Variants in RIMS3 observed in about 807,000 individuals in gnomAD.
RIMS3 encodes the protein regulating synaptic membrane exocytosis protein 3.
RIMS3 carries 15 observed loss-of-function variants against 29.2 expected under a neutral mutation model. The ratio of observed to expected loss-of-function variants is 0.51; its 90% CI spans 0.34 to 0.79. RIMS3 has a LOEUF of 0.79. Ranked by LOEUF, RIMS3 falls within the 30% of genes least tolerant of loss-of-function variation. The pLI, the probability that RIMS3 is intolerant of heterozygous loss-of-function variation, is 0.01. For synonymous variants in RIMS3, 161 were observed against 170.1 expected, an observed-to-expected ratio of 0.95 and a Z score of 0.41; for missense variants, 342 against 421.4, an observed-to-expected ratio of 0.81 and a Z score of 1.65.
chr1:40,671,309 G>C, the RIMS3 span, among the ~76,000 whole-genome samples: 1 of 152,218 alleles, frequency 6.6e-6, no homozygotes, highest in Non-Finnish European at 1.5e-5. Flanking sequence ...GATGAGGGCT[G>C]CATAGGCAGC....
Position 40,654,448 on chromosome 1 carries a change from A to G in RIMS3, c.-206-6606T>C, listed in dbSNP as rs1400145051. On this transcript the variant is annotated intron_variant, in intron 1 of 7. Transcript: ENST00000372684. The surrounding 1 kb of genome is among the most constrained non-coding windows in gnomAD (Gnocchi z 5.3). ...CTCCGGTTGGCCACTCCGACGCGCC[A>G]CAGAGCGAGATGCACGCTGTACAAA... 6.6e-6 allele frequency among the ~76,000 whole-genome samples: 1 copy of G among 152,184 alleles called. No homozygotes were observed. The highest frequency in any genetic ancestry group is 2.4e-5 in the African/African-American group (1 of 41,434).
chr1:40,687,268 C>T, the RIMS3 span, among the ~76,000 whole-genome samples: 32 of 152,166 alleles, frequency 2.1e-4, no homozygotes, highest in South Asian at 2.3e-3. Context: ...GGATGCACAA[C>T]GTGAACAGGC....
chr1:40,663,901 G>A (rs654923), intron 1 of RIMS3, among the ~76,000 whole-genome samples: 19,204 of 152,154 alleles, frequency 0.13, 1,325 homozygotes, highest in African/African-American at 0.15. Context: ...ACTGTGCTGC[G>A]CAGCTCAAAT....
the RIMS3 span, among the ~76,000 whole-genome samples, chr1:40,686,602 A>G: frequency 6.6e-6 from 1 of 152,160 alleles, no homozygotes; most frequent in African/African-American, 2.4e-5. Flanking sequence ...GTTTGCAGTG[A>G]GCTGAGATTG....
rs527813854 is a variant in RIMS3 at position 40,643,572 on chromosome 1, G to A, written c.-31-1616C>T. Among the ~76,000 whole-genome samples the A allele has an allele frequency of 4.0e-5, 6 of 151,098 alleles. No individual in the cohort carries two copies. In the South Asian group the frequency reaches 1.3e-3, roughly 31 times the overall value. ...ACTCACTGGAACCTCTGCCACTCAGGTTCAAGCGAATCTGGTACCTTAGCC... is the reference window on the plus strand; with the variant it reads ...ACTCACTGGAACCTCTGCCACTCAGATTCAAGCGAATCTGGTACCTTAGCC... On this transcript the variant is annotated intron_variant, in intron 2 of 7. Coordinates refer to ENST00000372684, the MANE Select transcript of RIMS3 (RefSeq NM_014747.3).
intron 3 of RIMS3, 91 bp downstream of exon 3, chr1:40,641,618 G>A: frequency 7.9e-7 from 1 of 1,266,858 alleles, no homozygotes; most frequent in Non-Finnish European, 1.1e-6. Flanking sequence ...CTGTGGGCAT[G>A]GAAGTGCAGA....
intron 3 of RIMS3, among the ~76,000 whole-genome samples, chr1:40,637,565 G>T (rs767367878): frequency 2.0e-5 from 3 of 152,032 alleles, no homozygotes; most frequent in Non-Finnish European, 2.9e-5. Flanking sequence ...AGGCAGACAT[G>T]CACGAGCAGC....
At chr1:40,658,499 G>A (rs76943157) in intron 1 of RIMS3, among the ~76,000 whole-genome samples, 5,866 of 152,258 alleles carry the variant, frequency 0.039, 161 homozygotes, top group Non-Finnish European at 0.057. Context: ...TCTGAGCGGG[G>A]CACTGAGAAC....
intron 5 of RIMS3, among the ~76,000 whole-genome samples, chr1:40,630,070 C>CA (rs35370598): frequency 0.01 from 1,047 of 103,644 alleles, 10 homozygotes; most frequent in African/African-American, 0.028. Context: ...GACTCCGTCT[C>CA]AAAAAAAAAA....
chr1:40,663,095 G>T (rs1642374646), intron 1 of RIMS3, among the ~76,000 whole-genome samples: 1 of 152,146 alleles, frequency 6.6e-6, no homozygotes, highest in African/African-American at 2.4e-5. Flanking sequence ...GTAGGAGACA[G>T]CCCCACTGTC....
the RIMS3 span, among the ~76,000 whole-genome samples, chr1:40,685,869 C>T: frequency 2.0e-5 from 3 of 151,664 alleles, no homozygotes; most frequent in Non-Finnish European, 2.9e-5. Context: ...GTAGGCTGGA[C>T]GCAGTGGCTT....
rs1646523752 is a variant in RIMS3 at position 40,636,877 on chromosome 1, T to A, written c.218-820A>T. On this transcript the variant is annotated intron_variant, in intron 3 of 7. Transcript: ENST00000372684. This position sits in a 1 kb window ranked among gnomAD's most constrained non-coding sequence, Gnocchi z 4.2. ...TCTCCCAGCAGCACACCATCCTGCC[T>A]GGGTTTCCATGGCAACCTCCTCGGC... Among the ~76,000 whole-genome samples the A allele has an allele frequency of 6.6e-6, 1 of 152,200 alleles. No homozygotes were observed. Among genetic ancestry groups the A allele is most frequent in the Admixed American group, 6.5e-5 (1 of 15,282 alleles).
the RIMS3 span, among the ~76,000 whole-genome samples, chr1:40,683,735 G>C: frequency 4.6e-5 from 7 of 152,368 alleles, no homozygotes; most frequent in African/African-American, 1.4e-4. Flanking sequence ...CACGTGGCTA[G>C]TGGCTACTGT....
In RIMS3 at chr1:40,654,715, T is replaced by C. The variant is rs890976130; in HGVS notation, c.-206-6873A>G. On this transcript the variant is annotated intron_variant, in intron 1 of 7. Coordinates refer to ENST00000372684, the MANE Select transcript of RIMS3 (RefSeq NM_014747.3). This position sits in a 1 kb window ranked among gnomAD's most constrained non-coding sequence, Gnocchi z 5.3. Reference sequence around the variant, plus strand: ...TCCCTCGCAGAGAACTGCAGACATATCGCATGAAGATACATTCACCACAGA... The same window carrying C: ...TCCCTCGCAGAGAACTGCAGACATACCGCATGAAGATACATTCACCACAGA... Among the ~76,000 whole-genome samples the C allele has an allele frequency of 4.0e-5, 6 of 151,872 alleles. No individual in the cohort carries two copies. Among genetic ancestry groups the C allele is most frequent in the African/African-American group, 1.5e-4 (6 of 41,312 alleles).
chr1:40,626,292 C>A lies in RIMS3; in HGVS notation c.*225G>T, dbSNP rs1271022823. On this transcript the variant is annotated 3_prime_UTR_variant, in exon 8 of 8. Transcript: ENST00000372684. Reference sequence around the variant, plus strand: ...CATATCATCACCAGGAGTGACTATACCCAGACAAATGAACAGATAGAACGT... The same window carrying A: ...CATATCATCACCAGGAGTGACTATAACCAGACAAATGAACAGATAGAACGT... The A allele has an allele frequency of 5.0e-6, 3 of 597,752 alleles. No individual in the cohort carries two copies. Among genetic ancestry groups the A allele is most frequent in the Non-Finnish European group, 9.0e-6 (3 of 332,570 alleles). 37.0% of individuals were successfully genotyped at this position (597,752 alleles called of 1,614,324 possible). A position where few individuals can be genotyped will look rare whatever the true frequency, so the allele number is the denominator to read the frequency against.
intron 1 of RIMS3, among the ~76,000 whole-genome samples, chr1:40,659,174 G>T (rs774059124): frequency 6.6e-6 from 1 of 152,168 alleles, no homozygotes; most frequent in East Asian, 1.9e-4. Context: ...GACAAAGTAG[G>T]GGTGGGGAGG....
chr1:40,665,255 T>TC (rs923252989), intron 1 of RIMS3, 139 bp downstream of exon 1: 1 of 134,448 alleles, frequency 7.4e-6, no homozygotes, highest in Admixed American at 7.4e-5. Flanking sequence ...CCTGTGTTCA[T>TC]CCCCCCACCC....
At chr1:40,638,544 C>A (rs967957948) in intron 3 of RIMS3, among the ~76,000 whole-genome samples, 2 of 152,224 alleles carry the variant, frequency 1.3e-5, no homozygotes, top group African/African-American at 4.8e-5. Flanking sequence ...GCCTGTACCA[C>A]CACTCCCTAT....
rs543504051 is a variant in RIMS3, at chr1:40,623,499, A to G, written c.*3018T>C. The G allele has an allele frequency of 1.2e-4, 46 of 398,640 alleles. No individual in the cohort carries two copies. Among genetic ancestry groups the G allele is most frequent in the East Asian group, 1.1e-4 (3 of 28,082 alleles). 24.7% of individuals were successfully genotyped at this position (398,640 alleles called of 1,614,324 possible). A position where few individuals can be genotyped will look rare whatever the true frequency, so the allele number is the denominator to read the frequency against. The stretch of plus-strand genomic sequence containing the variant: ...TCCTGTCTCTGCCATATGCACAGTG[A>G]ACCTCGCCTGACCAGAGGAGGTGGA... On this transcript the variant is annotated 3_prime_UTR_variant, in exon 8 of 8. Transcript: ENST00000372684.
Sources: gnomAD v4.1 joint callset for allele counts (sites outside exome capture counted in the v4.1 genomes callset) on GRCh38, gnomAD v4.1.1 for gene constraint, Gnocchi (gnomAD v3.1) non-coding constraint, MANE v1.5 for transcripts, NCBI Gene and HGNC (gene_info 2026-07-23, HGNC 2026-07-21) for gene names.